JARID2: variants seen among roughly 807,000 people sequenced by gnomAD.
The protein encoded by JARID2 is protein Jumonji.
Under a neutral mutation model 125.6 loss-of-function variants are expected in JARID2, and 21 were observed. That is an observed-to-expected ratio of 0.17 (90% confidence interval 0.12 to 0.24). The LOEUF is 0.24. JARID2 is among the 10% of genes least tolerant of loss of function. The pLI, the probability that JARID2 is intolerant of heterozygous loss-of-function variation, is 1.00. For synonymous variants in JARID2, 736 were observed against 661.6 expected (o/e 1.11, Z -1.73); for missense variants, 1,303 against 1,639.6 (o/e 0.79, Z 3.55).
intron 2 of JARID2, among the ~76,000 whole-genome samples, chr6:15,408,612 T>A (rs1337999753): frequency 6.6e-6 from 1 of 152,230 alleles, no homozygotes. Context: ...AAATCAATGT[T>A]AATATATTTG....
intron 3 of JARID2, among the ~76,000 whole-genome samples, chr6:15,424,957 A>T (rs994650690): frequency 6.6e-6 from 1 of 152,160 alleles, no homozygotes; most frequent in African/African-American, 2.4e-5. Context: ...TTCCTTACAT[A>T]TGTTAGCCCA....
Position 15,520,861 on chromosome 6 carries a change from A to G in JARID2, c.*610A>G, listed in dbSNP as rs1349664194. The G allele has an allele frequency of 4.4e-6, 2 of 455,620 alleles. No individual in the cohort carries two copies. The highest frequency in any genetic ancestry group is 2.0e-5 in the African/African-American group (1 of 49,994). The allele number at this position is 455,620 out of a possible 1,614,324, so 28.2% of individuals were successfully genotyped here. A position where few individuals can be genotyped will look rare whatever the true frequency, so the allele number is the denominator to read the frequency against. ...TCCTAACCATAGGTGGAACGAGGAG[A>G]CGGGAGCGAGTGGGCTCTCCACCAG... is the stretch of plus-strand genomic sequence containing the variant. On this transcript the variant is annotated 3_prime_UTR_variant, in exon 18 of 18. Transcript: ENST00000341776.
At chr6:15,498,183 A>G (rs981828471) in intron 7 of JARID2, among the ~76,000 whole-genome samples, 4 of 151,988 alleles carry the variant, frequency 2.6e-5, no homozygotes, top group African/African-American at 4.8e-5. Flanking sequence ...TCTTCCTCTG[A>G]GCTTCAGTTT....
intron 4 of JARID2, among the ~76,000 whole-genome samples, chr6:15,467,580 G>T (rs1768802777): frequency 6.7e-6 from 1 of 150,068 alleles, no homozygotes; most frequent in South Asian, 2.1e-4. Context: ...GGGGGCTCAT[G>T]CCTGCAGTCC....
intron 5 of JARID2, among the ~76,000 whole-genome samples, chr6:15,479,074 C>T (rs1769487944): frequency 1.3e-5 from 2 of 152,188 alleles, no homozygotes; most frequent in Non-Finnish European, 2.9e-5. Flanking sequence ...GTGCTCTTGC[C>T]TTGATTCTTG....
At chr6:15,407,091 G>T (rs1765680263) in intron 2 of JARID2, among the ~76,000 whole-genome samples, 1 of 151,554 alleles carries the variant, frequency 6.6e-6, no homozygotes, top group African/African-American at 2.4e-5. Context: ...AAGACCCCAT[G>T]TATAAAAAAA....
Position 15,496,189 on chromosome 6 carries a change from G to A in JARID2, c.964G>A (p.Ala322Thr). ...ATCTCTGGGTGCAGGTGTAACCAGT[G>A]CCAAAAAGATGCGCGAGGTCAGACC... ...MSSLGAGVTS[A>T]KKMREVRPSP... The change falls in exon 7 of 18, where the codon GCC (alanine) becomes ACC (threonine). Residue 322 changes from alanine to threonine, a missense_variant. Physicochemically the swap from Ala to Thr is moderately conservative, Grantham distance 58 (BLOSUM62 0). Transcript: ENST00000341776. 1 of 1,614,082 alleles carries A rather than the reference G, an allele frequency of 6.2e-7. No individual in the cohort carries two copies. Among genetic ancestry groups the A allele is most frequent in the Non-Finnish European group, 8.5e-7 (1 of 1,180,028 alleles).
At chr6:15,261,131 T>G (rs1255269662) in intron 1 of JARID2, among the ~76,000 whole-genome samples, 1 of 152,198 alleles carries the variant, frequency 6.6e-6, no homozygotes, top group East Asian at 1.9e-4. Flanking sequence ...CTTACAGTTC[T>G]TTAATACAAA....
intron 2 of JARID2, among the ~76,000 whole-genome samples, chr6:15,384,121 T>G (rs1332965488): frequency 6.6e-6 from 1 of 152,004 alleles, no homozygotes; most frequent in African/African-American, 2.4e-5. Context: ...TTTTTAGAGA[T>G]AGGATTTTCT....
intron 3 of JARID2, among the ~76,000 whole-genome samples, chr6:15,424,993 A>AG (rs1217370041): frequency 2.6e-5 from 4 of 152,250 alleles, no homozygotes; most frequent in Non-Finnish European, 4.4e-5. Context: ...AAAATCATTA[A>AG]GATACGTTAT....
At chr6:15,441,645 TTGTGCTTTGGTCTGTCGTG>T (rs1294408045) in intron 3 of JARID2, among the ~76,000 whole-genome samples, 4 of 152,128 alleles carry the variant, frequency 2.6e-5, no homozygotes, top group Admixed American at 2.0e-4. Flanking sequence ...AGTGCCGCCT[TTGTGCTTTGGTCTGTCGTG>T]TGCTGAATGG....
At chr6:15,292,504 T>C (rs554151885) in intron 1 of JARID2, among the ~76,000 whole-genome samples, 11 of 152,310 alleles carry the variant, frequency 7.2e-5, no homozygotes, top group African/African-American at 2.2e-4. Context: ...GAAATAGACA[T>C]CTTAAAGTCT....
intron 5 of JARID2, among the ~76,000 whole-genome samples, chr6:15,473,049 C>CGTTAA (rs3841759): frequency 2.0e-5 from 3 of 151,828 alleles, no homozygotes; most frequent in African/African-American, 7.3e-5. Flanking sequence ...TGTGAATACC[C>CGTTAA]GTGTTAGGAA....
intron 3 of JARID2, among the ~76,000 whole-genome samples, chr6:15,433,841 A>G (rs934956981): frequency 6.6e-6 from 1 of 151,966 alleles, no homozygotes; most frequent in Non-Finnish European, 1.5e-5. Context: ...GTGGCTGACA[A>G]TAATGCAATA....
At chr6:15,337,882 T>C (rs1460453367) in intron 1 of JARID2, among the ~76,000 whole-genome samples, 1 of 152,070 alleles carries the variant, frequency 6.6e-6, no homozygotes, top group African/African-American at 2.4e-5. Flanking sequence ...GTCCCAAACT[T>C]GATTCCAAGC....
chr6:15,305,031 A>T (rs1761769984), intron 1 of JARID2, among the ~76,000 whole-genome samples: 1 of 152,080 alleles, frequency 6.6e-6, no homozygotes, highest in African/African-American at 2.4e-5. Flanking sequence ...CTTCTCACTG[A>T]TTGGCAGGAG....
chr6:15,519,143 T>C (rs1435900500), intron 17 of JARID2, among the ~76,000 whole-genome samples: 1 of 152,082 alleles, frequency 6.6e-6, no homozygotes, highest in Admixed American at 6.5e-5. Context: ...GAGGGAACGG[T>C]GTCCTCCTGT....
At chr6:15,478,684 T>C (rs551661292) in intron 5 of JARID2, among the ~76,000 whole-genome samples, 1 of 152,202 alleles carries the variant, frequency 6.6e-6, no homozygotes, top group Admixed American at 6.5e-5. Context: ...TTTGTTTTGT[T>C]TTGAGATGGA....
rs190410158 is a variant in JARID2, at chr6:15,357,953, T to C, written c.46-16164T>C. Among the ~76,000 whole-genome samples, 8 of 152,346 alleles carry C rather than the reference T, an allele frequency of 5.3e-5. No individual in the cohort carries two copies. In the East Asian group the frequency reaches 1.5e-3, roughly 29 times the overall value. ...TTACTGTTGTCCATGTAATTTTGTTTATGATGTTTTTGTGCTGGTGGTTTT... is the reference window on the plus strand; with the variant it reads ...TTACTGTTGTCCATGTAATTTTGTTCATGATGTTTTTGTGCTGGTGGTTTT... On this transcript the variant is annotated intron_variant, in intron 1 of 17. Coordinates refer to ENST00000341776, the MANE Select transcript of JARID2 (RefSeq NM_004973.4).
Sources: allele counts gnomAD v4.1 joint callset (sites outside exome capture counted in the v4.1 genomes callset), GRCh38; gene constraint gnomAD v4.1.1; transcripts MANE v1.5; gene names NCBI Gene and HGNC (gene_info 2026-07-23, HGNC 2026-07-21).